CSF3R: variants seen among roughly 807,000 people sequenced by gnomAD.
CSF3R encodes the protein granulocyte colony-stimulating factor receptor.
CSF3R carries 52 observed loss-of-function variants against 84.4 expected under a neutral mutation model. That is an observed-to-expected ratio of 0.62 (90% CI 0.49 to 0.78). The LOEUF is 0.78. CSF3R is among the 30% of genes least tolerant of loss of function. The probability of loss-of-function intolerance (pLI) is 0.00; values close to 1 mark genes in which losing one functional copy is unlikely to be tolerated. For missense variants in CSF3R, 890 were observed against 1,055.7 expected (o/e 0.84, Z 2.17); for synonymous variants, 384 against 429.1 (o/e 0.89, Z 1.30).
rs1650856722 is a variant in CSF3R at position 36,472,749 on chromosome 1, C to T, written c.674-63G>A. 6.8e-7 allele frequency: 1 copy of T among 1,463,040 alleles called. No homozygotes were observed. Among genetic ancestry groups the T allele is most frequent in the African/African-American group, 1.4e-5 (1 of 70,540 alleles). The allele number at this position is 1,463,040 out of a possible 1,614,324, so 90.6% of individuals were successfully genotyped here. ...CACCCTAGAGGGCTCTGCCTTAGCT[C>T]CCTCTTGTCTCCCTGTCTGTGGTTC... On this transcript the variant is annotated intron_variant, in intron 6 of 16. Transcript: ENST00000373106. The surrounding 1 kb of genome is among the most constrained non-coding windows in gnomAD (Gnocchi z 5.0).
At chr1:36,482,006 C>G (rs1296652830) in intron 1 of CSF3R, 2 of 152,426 alleles carry the variant, frequency 1.3e-5, no homozygotes, top group Non-Finnish European at 2.9e-5. Context: ...CCCTCACACT[C>G]TCTTCCCCAC....
chr1:36,479,586 C>T (rs1651392618), intron 2 of CSF3R, 70 bp from the exon 3 acceptor site: 1 of 1,269,624 alleles, frequency 7.9e-7, no homozygotes, highest in Non-Finnish European at 1.1e-6. Flanking sequence ...TTGTCTGTCA[C>T]TGTGCAGCTT....
chr1:36,474,563 C>T (rs1230502343), intron 4 of CSF3R, among the ~76,000 whole-genome samples: 1 of 152,034 alleles, frequency 6.6e-6, no homozygotes, highest in African/African-American at 2.4e-5. Flanking sequence ...GATCCACCTA[C>T]CTCAGGCTCC....
intron 12 of CSF3R, 159 bp downstream of exon 12, chr1:36,468,997 A>G: frequency 4.6e-6 from 3 of 655,090 alleles, no homozygotes; most frequent in Admixed American, 4.6e-5. Context: ...GTCCAGCTGT[A>G]GGGATCCAGT....
Position 36,467,287 on chromosome 1 carries a change from A to G in CSF3R, c.1983T>C (p.Ser661=), listed in dbSNP as rs2124099292. Residue 661 remains serine, a synonymous_variant, in exon 16 of 17, where the codon AGT becomes AGC. Transcript: ENST00000373106. The surrounding 1 kb of genome is among the most constrained non-coding windows in gnomAD (Gnocchi z 4.1). ...SPNRKNPLWP[S]VPDPAHSSLG... is the part of the protein sequence containing the mutation. ...GGCTGCTGTGAGCTGGGTCTGGGAC[A>G]CTTGGCCAGAGGGGATTCTTCCTGC... 1 of 1,614,190 alleles carries G rather than the reference A, an allele frequency of 6.2e-7. No individual in the cohort carries two copies. Among genetic ancestry groups the G allele is most frequent in the Non-Finnish European group, 8.5e-7 (1 of 1,180,028 alleles).
At chr1:36,469,882 A>G (rs184938132) in intron 10 of CSF3R, 42 bp from the exon 11 acceptor site, 1 of 1,603,332 alleles carries the variant, frequency 6.2e-7, no homozygotes, top group Non-Finnish European at 8.5e-7. Flanking sequence ...GGTGAAAAGA[A>G]TGCAGGCCCT....
intron 3 of CSF3R, chr1:36,476,461 A>G (rs1651153912): frequency 6.6e-6 from 1 of 152,258 alleles, no homozygotes. Context: ...CATCATTAGG[A>G]TAAACACTCA....
intron 6 of CSF3R, chr1:36,473,146 G>GGGGA (rs1377599367): frequency 1.1e-5 from 5 of 456,904 alleles, no homozygotes; most frequent in Admixed American, 8.0e-5. Flanking sequence ...TTGATGCTTT[G>GGGGA]TATCCCCAGT....
At position 36,475,602 on chromosome 1, in the gene CSF3R, A is replaced by G. The variant is rs1408834439; in HGVS notation, c.136T>C (p.Cys46Arg). 2.5e-6 allele frequency: 4 copies of G among 1,609,586 alleles called. No individual in the cohort carries two copies. Among genetic ancestry groups the G allele is most frequent in the Non-Finnish European group, 3.4e-6 (4 of 1,176,280 alleles). Residue 46 changes from cysteine to arginine, a missense_variant, in exon 4 of 17, where the codon TGC (cysteine) becomes CGC (arginine). Cys to Arg is a radical substitution (Grantham distance 180, BLOSUM62 -3). Transcript: ENST00000373106. Reference protein sequence around the residue: ...VHLGDPITASCIIKQNCSHLD... With the variant: ...VHLGDPITASRIIKQNCSHLD... The stretch of plus-strand genomic sequence containing the variant: ...TGGCTGCAGTTCTGCTTGATGATGC[A>G]GGAGGCTGTGATGGGATCCCCCAGG...
Position 36,467,278 on chromosome 1 carries a change from G to A in CSF3R, c.1992C>T (p.Asp664=). Reference sequence around the variant, plus strand: ...AGGAGCCCAGGCTGCTGTGAGCTGGGTCTGGGACACTTGGCCAGAGGGGAT... The same window carrying A: ...AGGAGCCCAGGCTGCTGTGAGCTGGATCTGGGACACTTGGCCAGAGGGGAT... ...RKNPLWPSVP[D]PAHSSLGSWV... is the part of the protein sequence containing the mutation. Residue 664 remains aspartate, a synonymous_variant, in exon 16 of 17, where the codon GAC becomes GAT. Coordinates refer to ENST00000373106, the MANE Select transcript of CSF3R (RefSeq NM_000760.4). The surrounding 1 kb of genome is among the most constrained non-coding windows in gnomAD (Gnocchi z 4.1). 1.9e-6 allele frequency: 3 copies of A among 1,614,242 alleles called. No individual in the cohort carries two copies. Among genetic ancestry groups the A allele is most frequent in the East Asian group, 4.5e-5 (2 of 44,884 alleles).
intron 3 of CSF3R, among the ~76,000 whole-genome samples, chr1:36,478,573 C>T (rs1402964377): frequency 2.0e-5 from 3 of 151,666 alleles, no homozygotes; most frequent in Non-Finnish European, 2.9e-5. Flanking sequence ...ATAGGCAGGG[C>T]GTGGCGGGTC....
At chr1:36,476,631 TTTTG>T (rs970530573) in intron 3 of CSF3R, among the ~76,000 whole-genome samples, 2 of 151,668 alleles carry the variant, frequency 1.3e-5, no homozygotes, top group African/African-American at 4.8e-5. Flanking sequence ...GTTTTTTTTT[TTTTG>T]TTGTTGTTGT....
intron 3 of CSF3R, chr1:36,475,927 C>T: frequency 2.2e-6 from 1 of 461,756 alleles, no homozygotes; most frequent in Non-Finnish European, 3.9e-6. Flanking sequence ...TAGTGTGTGC[C>T]TTTCCGCGGT....
chr1:36,472,762 C>A lies in CSF3R; in HGVS notation c.674-76G>T. The A allele has an allele frequency of 6.9e-7, 1 of 1,441,648 alleles. No homozygotes were observed. The highest frequency in any genetic ancestry group is 2.5e-5 in the East Asian group (1 of 40,310). 89.3% of individuals were successfully genotyped at this position (1,441,648 alleles called of 1,614,324 possible). ...TCTGCCTTAGCTCCCTCTTGTCTCC[C>A]TGTCTGTGGTTCACCATCTGTCCAC... is the stretch of plus-strand genomic sequence containing the variant. On this transcript the variant is annotated intron_variant, in intron 6 of 16. Transcript: ENST00000373106. The surrounding 1 kb of genome is among the most constrained non-coding windows in gnomAD (Gnocchi z 5.0).
rs145831868 is a variant in CSF3R, at chr1:36,475,240, C to G, written c.361+137G>C. 18 of 1,049,784 alleles carry G rather than the reference C, an allele frequency of 1.7e-5. No individual in the cohort carries two copies. The African/African-American group carries it at 2.2e-4, about 13-fold the overall frequency. 65.0% of individuals were successfully genotyped at this position (1,049,784 alleles called of 1,614,324 possible). A position where few individuals can be genotyped will look rare whatever the true frequency, so the allele number is the denominator to read the frequency against. On this transcript the variant is annotated intron_variant, in intron 4 of 16. Coordinates refer to ENST00000373106, the MANE Select transcript of CSF3R (RefSeq NM_000760.4). ...CAGGCTGATCATGAACTCCTGACCT[C>G]AGGTGATCCGCCTGCCTCGGCCTCC...
rs948001842 is a variant in CSF3R at position 36,469,801 on chromosome 1, G to A, written c.1325C>T (p.Pro442Leu). 8.1e-6 allele frequency: 13 copies of A among 1,614,024 alleles called. No individual in the cohort carries two copies. In the Admixed American group the frequency reaches 2.2e-4, roughly 27 times the overall value. ...CTCCCAGCCTACCCAGAGGCTGTGA[G>A]GGTCTCGGGCCATGGCATGGAGTCT... ...LTRLHAMARDPHSLWVGWEPP... is the reference protein window; with the variant it reads ...LTRLHAMARDLHSLWVGWEPP... The change falls in exon 11 of 17, where the codon CCT (proline) becomes CTT (leucine). Residue 442 changes from proline (P) to leucine (L), a missense_variant. Physicochemically the swap from Pro to Leu is moderately conservative, Grantham distance 98. Coordinates refer to ENST00000373106, the MANE Select transcript of CSF3R (RefSeq NM_000760.4).
intron 3 of CSF3R, among the ~76,000 whole-genome samples, chr1:36,476,650 T>G (rs140507009): frequency 1.6e-3 from 241 of 151,960 alleles, no homozygotes; most frequent in African/African-American, 5.6e-3. Flanking sequence ...TGTTGTTTTG[T>G]TTTGGTTTTC....
chr1:36,473,455 C>T lies in CSF3R; in HGVS notation c.653G>A (p.Cys218Tyr), dbSNP rs1469633742. Residue 218 changes from cysteine to tyrosine, a missense_variant, in exon 6 of 17, where the codon TGT (cysteine) becomes TAT (tyrosine). Physicochemically the swap from Cys to Tyr is radical, Grantham distance 194. Coordinates refer to ENST00000373106, the MANE Select transcript of CSF3R (RefSeq NM_000760.4). Reference sequence around the variant, plus strand: ...CCCACCAACATCCATGGGATCAAGACACAGTTGTGGGGACATGCTGGTCCC... The same window carrying T: ...CCCACCAACATCCATGGGATCAAGATACAGTTGTGGGGACATGCTGGTCCC... ...ALGTSMSPQL[C>Y]LDPMDVVKLE... 1 of 1,614,026 alleles carries T rather than the reference C, an allele frequency of 6.2e-7. No individual in the cohort carries two copies. The highest frequency in any genetic ancestry group is 1.7e-4 in the Middle Eastern group (1 of 6,024).
In CSF3R at chr1:36,467,899, T is replaced by C. The variant is rs746628452; in HGVS notation, c.1787A>G (p.Tyr596Cys). Residue 596 changes from tyrosine (Y) to cysteine (C), a missense_variant, in exon 14 of 17, where the codon TAT becomes TGT. Transcript: ENST00000373106. This position sits in a 1 kb window ranked among gnomAD's most constrained non-coding sequence, Gnocchi z 4.1. ...GCTGGCAGCCATGAGGTGGATGTGA[T>C]ACAGACTGGCGGGCTCCAGGCCATG... ...VLHGLEPASLYHIHLMAASQA... is the reference protein window; with the variant it reads ...VLHGLEPASLCHIHLMAASQA... 1 of 1,614,226 alleles carries C rather than the reference T, an allele frequency of 6.2e-7. No individual in the cohort carries two copies. The highest frequency in any genetic ancestry group is 1.1e-5 in the South Asian group (1 of 91,092).
Sources: gnomAD v4.1 joint callset for allele counts (sites outside exome capture counted in the v4.1 genomes callset) on GRCh38, gnomAD v4.1.1 for gene constraint, Gnocchi (gnomAD v3.1) non-coding constraint, MANE v1.5 for transcripts, NCBI Gene and HGNC (gene_info 2026-07-23, HGNC 2026-07-21) for gene names.